KANK1: variants seen among roughly 807,000 people sequenced by gnomAD.
KANK1 encodes KN motif and ankyrin repeat domain-containing protein 1.
A neutral mutation model predicts 106.2 loss-of-function variants in KANK1; 109 were observed. The ratio of observed to expected loss-of-function variants is 1.03; its 90% CI spans 0.88 to 1.20. The LOEUF is 1.20. KANK1 is among the 50% of genes most tolerant of loss of function. KANK1 has a pLI of 0.00. For missense variants in KANK1, 2,399 were observed against 1,710.7 expected, an observed-to-expected ratio of 1.40 and a Z score of -7.10; for synonymous variants, 873 against 652.2, an observed-to-expected ratio of 1.34 and a Z score of -5.16.
chr9:583,950 G>A (rs1378808647), intron 1 of KANK1, among the ~76,000 whole-genome samples: 1 of 152,080 alleles, frequency 6.6e-6, no homozygotes, highest in Admixed American at 6.6e-5. Context: ...GTTAGAGGGG[G>A]TGTGGAGGAG....
intron 1 of KANK1, among the ~76,000 whole-genome samples, chr9:669,981 A>G (rs915162299): frequency 1.3e-5 from 2 of 152,080 alleles, no homozygotes; most frequent in Admixed American, 6.6e-5. Flanking sequence ...GGGCTGACTG[A>G]TTCTTTCCTC....
In KANK1 at chr9:710,993, C is replaced by G. The variant is rs750224259; in HGVS notation, c.227C>G (p.Pro76Arg). The change falls in exon 3 of 12, where the codon CCC (proline) becomes CGC (arginine). Residue 76 changes from proline to arginine, a missense_variant. Pro to Arg is a moderately radical substitution (Grantham distance 103). Transcript: ENST00000382297. ...AAGCCGTCCGTGCCATGCCCAGAAC[C>G]CAGGACCACATCTGGTCAGCAAGGT... ...RRKPSVPCPE[P>R]RTTSGQQGIW... is the part of the protein sequence containing the mutation. 6.2e-7 allele frequency: 1 copy of G among 1,614,120 alleles called. No homozygotes were observed. Among genetic ancestry groups the G allele is most frequent in the Middle Eastern group, 1.6e-4 (1 of 6,062 alleles).
chr9:533,636 TGGTGCTGCTG>T (rs1175910375), intron 1 of KANK1, among the ~76,000 whole-genome samples: 1 of 152,210 alleles, frequency 6.6e-6, no homozygotes, highest in East Asian at 1.9e-4. Flanking sequence ...GGTTTGAAGG[TGGTGCTGCTG>T]GGTGAGAAGC....
intron 8 of KANK1, among the ~76,000 whole-genome samples, chr9:740,068 C>A (rs968879223): frequency 6.6e-6 from 1 of 151,998 alleles, no homozygotes; most frequent in Non-Finnish European, 1.5e-5. Context: ...CATATTTGGT[C>A]CCACATAAAA....
At chr9:669,194 A>G (rs1441451972) in intron 1 of KANK1, among the ~76,000 whole-genome samples, 1 of 152,076 alleles carries the variant, frequency 6.6e-6, no homozygotes. Context: ...TTTTTGATAG[A>G]TTTGTCTTCT....
At chr9:659,008 T>G (rs1053867045) in intron 1 of KANK1, among the ~76,000 whole-genome samples, 13 of 151,328 alleles carry the variant, frequency 8.6e-5, no homozygotes, top group African/African-American at 2.7e-4. Context: ...ACTCAACACC[T>G]GTTTTTTTCT....
At chr9:690,293 G>A (rs1359771958) in intron 2 of KANK1, among the ~76,000 whole-genome samples, 6 of 146,086 alleles carry the variant, frequency 4.1e-5, no homozygotes, top group Non-Finnish European at 5.9e-5. Context: ...GTGACGGAGC[G>A]AGACTCTGTC....
chr9:722,131 T>G (rs1390419397), intron 3 of KANK1, among the ~76,000 whole-genome samples: 1 of 152,220 alleles, frequency 6.6e-6, no homozygotes, highest in Non-Finnish European at 1.5e-5. Context: ...TAACTGTGGG[T>G]AGAATTTGGT....
chr9:730,117 C>T lies in KANK1; in HGVS notation c.2765C>T (p.Thr922Ile), dbSNP rs535343937. ...LQSGSPLSSQ[T>I]SQPEQEVGTS... ...TCAGGAAGTCCCTTAAGCTCCCAGA[C>T]ATCCCAGCCTGAGCAAGAAGTGGGG... Residue 922 changes from threonine to isoleucine, a missense_variant, in exon 4 of 12, where the codon ACA (threonine) becomes ATA (isoleucine). Transcript: ENST00000382297. The T allele has an allele frequency of 2.4e-5, 38 of 1,614,192 alleles. No homozygotes were observed. The highest frequency in any genetic ancestry group is 3.3e-5 in the South Asian group (3 of 91,088).
At chr9:592,757 A>T (rs2804284) in intron 1 of KANK1, among the ~76,000 whole-genome samples, 1 of 151,754 alleles carries the variant, frequency 6.6e-6, no homozygotes, top group Non-Finnish European at 1.5e-5. Flanking sequence ...TCCCAAATGA[A>T]TAGCCACCTG....
intron 6 of KANK1, 120 bp downstream of exon 6, chr9:732,737 A>G (rs1348057013): frequency 8.9e-7 from 1 of 1,119,712 alleles, no homozygotes; most frequent in Non-Finnish European, 1.3e-6. Context: ...CCTCAGAGGT[A>G]TACACATCTT....
intron 2 of KANK1, among the ~76,000 whole-genome samples, chr9:700,984 T>G (rs1324415712): frequency 2.0e-5 from 3 of 152,184 alleles, no homozygotes; most frequent in Admixed American, 2.0e-4. Context: ...TTGCTCATAT[T>G]AAAGAATGGC....
rs988800286 is a variant in KANK1 at position 646,052 on chromosome 9, G to T, written c.-83-30838G>T. 2.0e-5 allele frequency among the ~76,000 whole-genome samples: 3 copies of T among 150,898 alleles called. 1 individual carries two copies. Among genetic ancestry groups the T allele is most frequent in the Middle Eastern group, 6.3e-3 (2 of 316 alleles). ...GACCCATGGAGCTGATAGTTTCAGG[G>T]CAGGGTAGACATCTAATAAAGTCTT... On this transcript the variant is annotated intron_variant, in intron 1 of 11. Transcript: ENST00000382297.
chr9:582,054 G>C (rs1166227578), intron 1 of KANK1, among the ~76,000 whole-genome samples: 1 of 152,086 alleles, frequency 6.6e-6, no homozygotes, highest in Non-Finnish European at 1.5e-5. Context: ...AAAAACATTG[G>C]AACTCCCCCT....
chr9:502,480 G>A (rs988107997), upstream of KANK1, among the ~76,000 whole-genome samples: 5 of 151,834 alleles, frequency 3.3e-5, no homozygotes, highest in African/African-American at 1.2e-4. Context: ...TGCAAAGAGG[G>A]AGAAATAAAG....
intron 1 of KANK1, among the ~76,000 whole-genome samples, chr9:570,704 T>C (rs1313082013): frequency 2.0e-5 from 3 of 152,190 alleles, no homozygotes; most frequent in Non-Finnish European, 4.4e-5. Context: ...CTTTGAAAAT[T>C]TGTAGTTTTT....
intron 1 of KANK1, among the ~76,000 whole-genome samples, chr9:570,849 C>T (rs1179731814): frequency 6.6e-6 from 1 of 152,122 alleles, no homozygotes; most frequent in Admixed American, 6.5e-5. Flanking sequence ...TTAATCTCTG[C>T]ATACTATTTT....
intron 2 of KANK1, among the ~76,000 whole-genome samples, chr9:681,675 C>G (rs1404782566): frequency 6.6e-6 from 1 of 152,152 alleles, no homozygotes; most frequent in Non-Finnish European, 1.5e-5. Context: ...CCCTTGTTCT[C>G]TTGTCCTTGT....
Position 724,781 on chromosome 9 carries a change from G to A in KANK1, c.2699-5270G>A, listed in dbSNP as rs555175118. Among the ~76,000 whole-genome samples the A allele has an allele frequency of 2.6e-5, 4 of 152,108 alleles. No homozygotes were observed. In the South Asian group the frequency reaches 6.2e-4, roughly 24 times the overall value. Reference sequence around the variant, plus strand: ...CGCGCCACTGCATTCCAGGCTGGGCGACAGAGCGAGACTCAATCTCAAAAA... The same window carrying A: ...CGCGCCACTGCATTCCAGGCTGGGCAACAGAGCGAGACTCAATCTCAAAAA... On this transcript the variant is annotated intron_variant, in intron 3 of 11. Transcript: ENST00000382297.
Sources: allele counts gnomAD v4.1 joint callset (sites outside exome capture counted in the v4.1 genomes callset), GRCh38; gene constraint gnomAD v4.1.1; transcripts MANE v1.5; gene names NCBI Gene and HGNC (gene_info 2026-07-23, HGNC 2026-07-21).